WDR70: variants seen among roughly 807,000 people sequenced by gnomAD.
The protein encoded by WDR70 is WD repeat-containing protein 70.
WDR70 carries 53 observed loss-of-function variants against 88.6 expected under a neutral mutation model. The observed-to-expected ratio is 0.60, with a 90% confidence interval of 0.48 to 0.75. The LOEUF is 0.75. Among genes scored for constraint, WDR70 ranks in the 30% least tolerant of loss-of-function variants. WDR70 has a pLI of 0.00. For missense variants in WDR70, 610 were observed against 823.2 expected, an observed-to-expected ratio of 0.74 and a Z score of 3.17; for synonymous variants, 280 against 270.0, an observed-to-expected ratio of 1.04 and a Z score of -0.36.
intron 17 of WDR70, among the ~76,000 whole-genome samples, chr5:37,746,594 C>T (rs1021861871): frequency 2.6e-5 from 4 of 152,172 alleles, no homozygotes; most frequent in Admixed American, 2.6e-4. Flanking sequence ...GATATCACCA[C>T]TGACCCCACA....
chr5:37,484,371 A>G (rs1250043164), intron 8 of WDR70, among the ~76,000 whole-genome samples: 2 of 152,212 alleles, frequency 1.3e-5, no homozygotes, highest in Admixed American at 6.5e-5. Context: ...TGGCCAACAC[A>G]GCGAAACCCT....
chr5:37,433,243 T>G (rs1750367290), intron 5 of WDR70, among the ~76,000 whole-genome samples: 1 of 152,036 alleles, frequency 6.6e-6, no homozygotes, highest in Non-Finnish European at 1.5e-5. Flanking sequence ...GTATTTTTAG[T>G]AGAGATGGGG....
chr5:37,423,866 C>G (rs1750031426), intron 5 of WDR70, among the ~76,000 whole-genome samples: 1 of 145,920 alleles, frequency 6.9e-6, no homozygotes, highest in African/African-American at 2.5e-5. Flanking sequence ...CCAGCCTATT[C>G]TTGAACTCCC....
rs149890993 is a variant in WDR70, at chr5:37,555,602, G to A, written c.917+39012G>A. Among the ~76,000 whole-genome samples, 12 of 152,298 alleles carry A rather than the reference G, an allele frequency of 7.9e-5. No homozygotes were observed. In the East Asian group the frequency reaches 2.3e-3, roughly 29 times the overall value. ...AATGTTTTTACATGTACTTGAGCAT[G>A]CTATAAGTATAGTTTACCTAAAACT... On this transcript the variant is annotated intron_variant, in intron 9 of 17. Transcript: ENST00000265107.
At chr5:37,424,148 C>CAAAAAAAAAA (rs11304949) in intron 5 of WDR70, among the ~76,000 whole-genome samples, 5 of 55,508 alleles carry the variant, frequency 9.0e-5, no homozygotes, top group Non-Finnish European at 8.8e-5. Flanking sequence ...GACTCCATCT[C>CAAAAAAAAAA]AAAAAAAAAA....
intron 10 of WDR70, among the ~76,000 whole-genome samples, chr5:37,619,084 C>T (rs979022883): frequency 3.3e-5 from 5 of 151,994 alleles, no homozygotes; most frequent in African/African-American, 7.3e-5. Flanking sequence ...TTTTATAAAA[C>T]GTATTTGCTC....
intron 10 of WDR70, among the ~76,000 whole-genome samples, chr5:37,644,068 T>C (rs1354878942): frequency 1.3e-5 from 2 of 152,104 alleles, no homozygotes; most frequent in African/African-American, 4.8e-5. Flanking sequence ...TTCTAGATCT[T>C]AGAGGAAAGG....
At chr5:37,628,062 C>CTA (rs1334494664) in intron 10 of WDR70, among the ~76,000 whole-genome samples, 1 of 152,136 alleles carries the variant, frequency 6.6e-6, no homozygotes, top group African/African-American at 2.4e-5. Context: ...GTAGCTAGGA[C>CTA]TATAGGCACA....
chr5:37,699,973 A>C (rs900823404), intron 11 of WDR70, among the ~76,000 whole-genome samples: 15 of 136,596 alleles, frequency 1.1e-4, no homozygotes, highest in East Asian at 6.8e-4. Flanking sequence ...CAAAAACAAA[A>C]ACAAAAAAAA....
chr5:37,709,545 T>A (rs2112674519), intron 13 of WDR70, among the ~76,000 whole-genome samples: 1 of 151,092 alleles, frequency 6.6e-6, no homozygotes, highest in South Asian at 2.1e-4. Flanking sequence ...TTCCAAGATG[T>A]ATGAATATTT....
intron 10 of WDR70, among the ~76,000 whole-genome samples, chr5:37,626,821 T>C (rs1744677728): frequency 6.6e-6 from 1 of 152,150 alleles, no homozygotes; most frequent in African/African-American, 2.4e-5. Flanking sequence ...ATTTGTGTTT[T>C]CTTTTCCTTC....
intron 5 of WDR70, among the ~76,000 whole-genome samples, chr5:37,405,388 T>C (rs2111936085): frequency 6.6e-6 from 1 of 152,032 alleles, no homozygotes; most frequent in Admixed American, 6.6e-5. Context: ...TCACTCTTGT[T>C]GCCCAGGCTG....
intron 3 of WDR70, among the ~76,000 whole-genome samples, chr5:37,382,474 C>T (rs1386092872): frequency 5.4e-5 from 8 of 147,550 alleles, no homozygotes; most frequent in African/African-American, 1.5e-4. Flanking sequence ...TGCAGGGGTG[C>T]GATCTTAGCT....
chr5:37,730,315 A>G (rs961574216), intron 17 of WDR70, among the ~76,000 whole-genome samples: 4 of 152,084 alleles, frequency 2.6e-5, no homozygotes, highest in Admixed American at 1.3e-4. Context: ...TTGTTATGCT[A>G]TTTTTGAAAT....
intron 5 of WDR70, among the ~76,000 whole-genome samples, chr5:37,400,545 C>T (rs368861486): frequency 2.0e-5 from 3 of 152,140 alleles, no homozygotes; most frequent in Non-Finnish European, 4.4e-5. Flanking sequence ...TCCTCTCCCA[C>T]GGGAAAGGAA....
At chr5:37,626,355 C>T (rs1167299735) in intron 10 of WDR70, among the ~76,000 whole-genome samples, 1 of 152,212 alleles carries the variant, frequency 6.6e-6, no homozygotes, top group African/African-American at 2.4e-5. Flanking sequence ...GCTATTTCTA[C>T]ATCTATTGAG....
chr5:37,457,995 G>A (rs1332774531), intron 7 of WDR70, among the ~76,000 whole-genome samples: 5 of 139,250 alleles, frequency 3.6e-5, no homozygotes, highest in Non-Finnish European at 6.2e-5. Flanking sequence ...TTTGAAATAC[G>A]TCCCATCAAT....
chr5:37,548,274 G>A (rs989336313), intron 9 of WDR70, among the ~76,000 whole-genome samples: 2 of 152,106 alleles, frequency 1.3e-5, no homozygotes, highest in African/African-American at 4.8e-5. Flanking sequence ...ATTAGTATGA[G>A]GGTTCCTTTT....
rs550488667 is a variant in WDR70, at chr5:37,429,179, A to G, written c.493-8743A>G. ...AAGTGTCTGTTCAAATCTTTTGTCC[A>G]TTTGAAAAATTAGGTTGCCTTTTTA... is the stretch of plus-strand genomic sequence containing the variant. On this transcript the variant is annotated intron_variant, in intron 5 of 17. Transcript: ENST00000265107. Among the ~76,000 whole-genome samples, 3 of 152,278 alleles carry G rather than the reference A, an allele frequency of 2.0e-5. No homozygotes were observed. In the East Asian group the frequency reaches 5.8e-4, roughly 29 times the overall value.
Sources: allele counts gnomAD v4.1 joint callset (sites outside exome capture counted in the v4.1 genomes callset), GRCh38; gene constraint gnomAD v4.1.1; transcripts MANE v1.5; gene names NCBI Gene and HGNC (gene_info 2026-07-23, HGNC 2026-07-21).